MFSD6: variants seen among roughly 807,000 people sequenced by gnomAD.
MFSD6 encodes the protein major facilitator superfamily domain-containing protein 6.
MFSD6 carries 26 observed loss-of-function variants against 56.3 expected under a neutral mutation model. The observed-to-expected ratio is 0.46, with a 90% confidence interval of 0.34 to 0.64. The LOEUF is 0.64. Among genes scored for constraint, MFSD6 ranks in the 30% least tolerant of loss-of-function variants. MFSD6 has a pLI of 0.01. For synonymous variants in MFSD6, 331 were observed against 366.9 expected (o/e 0.90, Z 1.12); for missense variants, 750 against 986.2 (o/e 0.76, Z 3.21).
intron 4 of MFSD6, among the ~76,000 whole-genome samples, chr2:190,481,724 G>A (rs1221700848): frequency 6.6e-6 from 1 of 152,156 alleles, no homozygotes; most frequent in African/African-American, 2.4e-5. Context: ...TGCATGAAGG[G>A]GATTCTTGCA....
In MFSD6 at chr2:190,485,801, G is replaced by GT. The variant is rs1688977146; in HGVS notation, c.1631-2854dup. Among the ~76,000 whole-genome samples the GT allele has an allele frequency of 7.7e-6, 1 of 130,090 alleles. No individual in the cohort carries two copies. 85.3% of individuals were successfully genotyped at this position (130,090 alleles called of 152,430 possible). A position where few individuals can be genotyped will look rare whatever the true frequency, so the allele number is the denominator to read the frequency against. On this transcript the variant is annotated intron_variant, in intron 4 of 7. Coordinates refer to ENST00000392328, the MANE Select transcript of MFSD6 (RefSeq NM_017694.4). The surrounding 1 kb of genome is among the most constrained non-coding windows in gnomAD (Gnocchi z 5.1). Reference sequence around the variant, plus strand: ...GCTAATCATCTAGTCCATCTTACTAGTTAAAAAAAAAAAAAACCTAGTTAA... The same window carrying GT: ...GCTAATCATCTAGTCCATCTTACTAGTTTAAAAAAAAAAAAAACCTAGTTAA...
At chr2:190,472,806 G>A (rs1472105800) in intron 4 of MFSD6, among the ~76,000 whole-genome samples, 1 of 152,178 alleles carries the variant, frequency 6.6e-6, no homozygotes, top group Non-Finnish European at 1.5e-5. Flanking sequence ...AAGTTGAAAT[G>A]AAGGAAAAAA....
chr2:190,469,711 T>G lies in MFSD6; in HGVS notation c.1533-47T>G. The G allele has an allele frequency of 8.6e-7, 1 of 1,158,240 alleles. No homozygotes were observed. Among genetic ancestry groups the G allele is most frequent in the South Asian group, 2.2e-5 (1 of 46,406 alleles). The allele number at this position is 1,158,240 out of a possible 1,614,324, so 71.7% of individuals were successfully genotyped here. On this transcript the variant is annotated intron_variant, in intron 3 of 7. Transcript: ENST00000392328. This position sits in a 1 kb window ranked among gnomAD's most constrained non-coding sequence, Gnocchi z 5.3. ...TTGTATATTAGGGACTCAGTTTATT[T>G]TCCTTTGCTTTTTTTTATTTTATTT...
intron 3 of MFSD6, among the ~76,000 whole-genome samples, chr2:190,468,580 G>GT (rs911774769): frequency 6.6e-6 from 1 of 150,856 alleles, no homozygotes; most frequent in African/African-American, 2.4e-5. Context: ...AGCCTCCCAA[G>GT]TAGCTGGGAC....
upstream of MFSD6, among the ~76,000 whole-genome samples, chr2:190,407,968 G>C (rs905511427): frequency 9.9e-5 from 15 of 150,922 alleles, no homozygotes; most frequent in African/African-American, 3.7e-4. This position sits in a 1 kb window ranked among gnomAD's most constrained non-coding sequence, Gnocchi z 5.4. Context: ...TCGCTTGGGG[G>C]TGCGGGGGGG....
chr2:190,422,170 T>C (rs1486064282), intron 2 of MFSD6, among the ~76,000 whole-genome samples: 2 of 152,250 alleles, frequency 1.3e-5, no homozygotes, highest in African/African-American at 2.4e-5. Flanking sequence ...TTATCAGTTA[T>C]TCATCCTTGA....
chr2:190,432,827 C>G (rs963454378), intron 2 of MFSD6, among the ~76,000 whole-genome samples: 5 of 151,476 alleles, frequency 3.3e-5, no homozygotes, highest in African/African-American at 1.2e-4. Flanking sequence ...CCCCCGCCCC[C>G]CAACACACAC....
Position 190,426,658 on chromosome 2 carries a change from G to C in MFSD6, c.-53-9319G>C, listed in dbSNP as rs182721696. On this transcript the variant is annotated intron_variant, in intron 2 of 7. Coordinates refer to ENST00000392328, the MANE Select transcript of MFSD6 (RefSeq NM_017694.4). The surrounding 1 kb of genome is among the most constrained non-coding windows in gnomAD (Gnocchi z 4.7). ...TCTCCCCACTTTTGGAGTCCCCAGT[G>C]TCTATTATTTCCAAATGATGGTTGT... Among the ~76,000 whole-genome samples, 176 of 152,150 alleles carry C rather than the reference G, an allele frequency of 1.2e-3. 1 individual carries two copies. Among genetic ancestry groups the C allele is most frequent in the Non-Finnish European group, 2.1e-3 (145 of 68,004 alleles).
At chr2:190,472,210 C>G (rs887972708) in intron 4 of MFSD6, among the ~76,000 whole-genome samples, 3 of 152,232 alleles carry the variant, frequency 2.0e-5, no homozygotes, top group African/African-American at 7.2e-5. Flanking sequence ...AACGCAGCTC[C>G]TCACTAGCAA....
rs142603704 is a variant in MFSD6 at position 190,457,811 on chromosome 2, G to T, written c.1533-11947G>T. Among the ~76,000 whole-genome samples the T allele has an allele frequency of 1.3e-5, 2 of 152,160 alleles. No individual in the cohort carries two copies. The highest frequency in any genetic ancestry group is 2.9e-5 in the Non-Finnish European group (2 of 68,040). ...GAAAGTCCACCTCAACTATGCATGT[G>T]CCCTGGATGCCACCACCTTGGCCAG... On this transcript the variant is annotated intron_variant, in intron 3 of 7. Coordinates refer to ENST00000392328, the MANE Select transcript of MFSD6 (RefSeq NM_017694.4). This position sits in a 1 kb window ranked among gnomAD's most constrained non-coding sequence, Gnocchi z 5.1.
Position 190,413,729 on chromosome 2 carries a change from T to C in MFSD6, c.-175-1563T>C, listed in dbSNP as rs1690662543. 6.6e-6 allele frequency among the ~76,000 whole-genome samples: 1 copy of C among 152,176 alleles called. No individual in the cohort carries two copies. The highest frequency in any genetic ancestry group is 2.4e-5 in the African/African-American group (1 of 41,456). ...GGTAGTTAGCAGTCTGTGTTGGTTA[T>C]GTAGAGAGACCTTGTTCCACAGGCA... is the stretch of plus-strand genomic sequence containing the variant. On this transcript the variant is annotated intron_variant, in intron 1 of 7. Transcript: ENST00000392328. The surrounding 1 kb of genome is among the most constrained non-coding windows in gnomAD (Gnocchi z 4.1).
chr2:190,475,092 A>G (rs554811769), intron 4 of MFSD6, among the ~76,000 whole-genome samples: 1 of 152,244 alleles, frequency 6.6e-6, no homozygotes, highest in African/African-American at 2.4e-5. Flanking sequence ...TCTATGACAA[A>G]CCCACAGCCA....
rs1686240174 is a variant in MFSD6, at chr2:190,438,148, C to T, written c.1532+587C>T. On this transcript the variant is annotated intron_variant, in intron 3 of 7. Coordinates refer to ENST00000392328, the MANE Select transcript of MFSD6 (RefSeq NM_017694.4). This position sits in a 1 kb window ranked among gnomAD's most constrained non-coding sequence, Gnocchi z 5.2. The stretch of plus-strand genomic sequence containing the variant: ...CATGACTCCCTGCATTTCTGTCCAC[C>T]ATGAAGACATAGGATATTTGAAAAT... Among the ~76,000 whole-genome samples, 1 of 151,822 alleles carries T rather than the reference C, an allele frequency of 6.6e-6. No homozygotes were observed. Among genetic ancestry groups the T allele is most frequent in the South Asian group, 2.1e-4 (1 of 4,810 alleles).
In MFSD6 at chr2:190,458,695, C is replaced by G. The variant is rs1344498618; in HGVS notation, c.1533-11063C>G. Reference sequence around the variant, plus strand: ...CAAAGGCAGTGGAGGTCACTTGAGACTCTTTCAGTGAAAGTGGCAAAAATC... The same window carrying G: ...CAAAGGCAGTGGAGGTCACTTGAGAGTCTTTCAGTGAAAGTGGCAAAAATC... On this transcript the variant is annotated intron_variant, in intron 3 of 7. Coordinates refer to ENST00000392328, the MANE Select transcript of MFSD6 (RefSeq NM_017694.4). The surrounding 1 kb of genome is among the most constrained non-coding windows in gnomAD (Gnocchi z 5.3). 1.3e-5 allele frequency among the ~76,000 whole-genome samples: 2 copies of G among 152,160 alleles called. No individual in the cohort carries two copies. The highest frequency in any genetic ancestry group is 3.9e-4 in the East Asian group (2 of 5,190).
intron 2 of MFSD6, among the ~76,000 whole-genome samples, chr2:190,427,567 T>G (rs1685818894): frequency 6.6e-6 from 1 of 152,232 alleles, no homozygotes. Flanking sequence ...GTGTTGTTCC[T>G]TGGGTACCAA....
At position 190,469,371 on chromosome 2, in the gene MFSD6, A is replaced by ATAGT. The variant is rs1489601385; in HGVS notation, c.1533-385_1533-382dup. 6.5e-6 allele frequency: 1 copy of ATAGT among 153,466 alleles called. No individual in the cohort carries two copies. Among genetic ancestry groups the ATAGT allele is most frequent in the Admixed American group, 6.5e-5 (1 of 15,296 alleles). 9.5% of individuals were successfully genotyped at this position (153,466 alleles called of 1,614,324 possible). On this transcript the variant is annotated intron_variant, in intron 3 of 7. Coordinates refer to ENST00000392328, the MANE Select transcript of MFSD6 (RefSeq NM_017694.4). The surrounding 1 kb of genome is among the most constrained non-coding windows in gnomAD (Gnocchi z 5.3). Reference sequence around the variant, plus strand: ...TAGTGAAGTGGTTACAATCCCAGGCATAGTTCTCCTACAGCCACCTGGAAG... The same window carrying ATAGT: ...TAGTGAAGTGGTTACAATCCCAGGCATAGTTAGTTCTCCTACAGCCACCTGGAAG...
Position 190,436,933 on chromosome 2 carries a change from A to T in MFSD6, c.904A>T (p.Ser302Cys), listed in dbSNP as rs1018680881. 1 of 1,614,258 alleles carries T rather than the reference A, an allele frequency of 6.2e-7. No homozygotes were observed. The highest frequency in any genetic ancestry group is 1.3e-5 in the African/African-American group (1 of 75,052). Reference protein sequence around the residue: ...LVVVIIGEFFSASSVTIVDTV... With the variant: ...LVVVIIGEFFCASSVTIVDTV... ...AGTTGTCATAATAGGAGAATTTTTCAGTGCCTCTTCTGTCACAATCGTAGA... is the reference window on the plus strand; with the variant it reads ...AGTTGTCATAATAGGAGAATTTTTCTGTGCCTCTTCTGTCACAATCGTAGA... The change falls in exon 3 of 8, where the codon AGT becomes TGT. Residue 302 changes from serine (S) to cysteine (C), a missense_variant. Physicochemically the swap from Ser to Cys is moderately radical, Grantham distance 112 (BLOSUM62 -1). Transcript: ENST00000392328. The surrounding 1 kb of genome is among the most constrained non-coding windows in gnomAD (Gnocchi z 5.3).
At chr2:190,460,374 C>T (rs1687260383) in intron 3 of MFSD6, among the ~76,000 whole-genome samples, 2 of 152,150 alleles carry the variant, frequency 1.3e-5, no homozygotes, top group African/African-American at 2.4e-5. Context: ...TATTCCTATA[C>T]CATAATCAGA....
intron 4 of MFSD6, among the ~76,000 whole-genome samples, chr2:190,481,480 A>G (rs1688662098): frequency 6.6e-6 from 1 of 152,122 alleles, no homozygotes; most frequent in African/African-American, 2.4e-5. Context: ...ACCCTGTTTC[A>G]GTTCAATGTC....
Sources: allele counts gnomAD v4.1 joint callset (sites outside exome capture counted in the v4.1 genomes callset), GRCh38; gene constraint gnomAD v4.1.1; non-coding constraint Gnocchi (gnomAD v3.1); transcripts MANE v1.5; gene names NCBI Gene and HGNC (gene_info 2026-07-23, HGNC 2026-07-21).